THSD4: variants seen among roughly 807,000 people sequenced by gnomAD.
The protein encoded by THSD4 is thrombospondin type 1 domain containing 4.
In THSD4, 69 loss-of-function variants were observed where a neutral mutation model predicts 119.0. The observed-to-expected ratio is 0.58, with a 90% confidence interval of 0.48 to 0.71. The LOEUF (loss-of-function observed/expected upper bound fraction) is 0.71, where lower values mean the gene tolerates loss of function less well. Ranked by LOEUF, THSD4 falls within the 30% of genes least tolerant of loss-of-function variation. THSD4 has a pLI of 0.00. For synonymous variants in THSD4, 524 were observed against 540.4 expected, an observed-to-expected ratio of 0.97 and a Z score of 0.42; for missense variants, 1,393 against 1,391.1, an observed-to-expected ratio of 1.00 and a Z score of -0.02.
intron 7 of THSD4, among the ~76,000 whole-genome samples, chr15:71,587,787 T>TAAAAAAAAAA (rs1207231444): frequency 9.5e-6 from 1 of 105,566 alleles, no homozygotes; most frequent in Non-Finnish European, 1.9e-5. Flanking sequence ...AAAAAAAAAT[T>TAAAAAAAAAA]AAAAAAAAAA....
At chr15:71,149,690 G>A (rs901652634) in intron 2 of THSD4, among the ~76,000 whole-genome samples, 12 of 152,148 alleles carry the variant, frequency 7.9e-5, no homozygotes, top group African/African-American at 2.9e-4. Flanking sequence ...TATTAACTGA[G>A]GAAGAAAGGA....
At chr15:71,256,306 C>T (rs535840132) in intron 5 of THSD4, among the ~76,000 whole-genome samples, 24 of 151,936 alleles carry the variant, frequency 1.6e-4, no homozygotes, top group Non-Finnish European at 3.2e-4. Flanking sequence ...GAAAGCCCAT[C>T]GCTACAAAAA....
At chr15:71,386,258 A>G (rs902336576) in intron 6 of THSD4, among the ~76,000 whole-genome samples, 1 of 152,234 alleles carries the variant, frequency 6.6e-6, no homozygotes, top group African/African-American at 2.4e-5. Flanking sequence ...TTTGCCAGCC[A>G]AATAAAGAAG....
rs2048112888 is a variant in THSD4, at chr15:71,501,541, C to T, written c.1152+89718C>T. ...CATGAGCTGTTTACTGCCTACATGC[C>T]AGGGCTAGGTAATGCCAAGGTCATT... On this transcript the variant is annotated intron_variant, in intron 7 of 17. Coordinates refer to ENST00000261862, the MANE Select transcript of THSD4 (RefSeq NM_024817.3). Among the ~76,000 whole-genome samples, 2 of 152,130 alleles carry T rather than the reference C, an allele frequency of 1.3e-5. 1 individual carries two copies. The highest frequency in any genetic ancestry group is 4.1e-4 in the South Asian group (2 of 4,824).
chr15:71,565,144 C>T (rs1015008731), intron 7 of THSD4, among the ~76,000 whole-genome samples: 1 of 152,174 alleles, frequency 6.6e-6, no homozygotes, highest in African/African-American at 2.4e-5. Flanking sequence ...AGCTAACTCT[C>T]ATTAAGCTGA....
At chr15:71,403,705 G>GCTTT (rs1014054154) in intron 6 of THSD4, among the ~76,000 whole-genome samples, 2 of 152,182 alleles carry the variant, frequency 1.3e-5, no homozygotes, top group African/African-American at 4.8e-5. Context: ...GTTGCTTATT[G>GCTTT]CTTTCAATAA....
chr15:71,389,807 G>GTTTTTTTTTTTTTT lies in THSD4; in HGVS notation c.1016-21878_1016-21877insTTTTTTTTTTTTTT, dbSNP rs1237701264. 8.1e-3 allele frequency among the ~76,000 whole-genome samples: 372 copies of GTTTTTTTTTTTTTT among 46,024 alleles called. 3 individuals are homozygous for GTTTTTTTTTTTTTT. The highest frequency in any genetic ancestry group is 0.014 in the Non-Finnish European group (277 of 19,336). The allele number at this position is 46,024 out of a possible 152,430, so 30.2% of individuals were successfully genotyped here. A position where few individuals can be genotyped will look rare whatever the true frequency, so the allele number is the denominator to read the frequency against. ...CTTGCCAACACTTGCTATTTTCTGG[G>GTTTTTTTTTTTTTT]TTGTTTTTTTTTTTTTTTTTGACAC... is the stretch of plus-strand genomic sequence containing the variant. On this transcript the variant is annotated intron_variant, in intron 6 of 17. Coordinates refer to ENST00000261862, the MANE Select transcript of THSD4 (RefSeq NM_024817.3).
intron 10 of THSD4, among the ~76,000 whole-genome samples, chr15:71,735,924 C>A (rs1370734143): frequency 6.7e-6 from 1 of 149,288 alleles, no homozygotes; most frequent in Non-Finnish European, 1.5e-5. Context: ...CTGTCTCTCT[C>A]ACTTTCTGTC....
chr15:71,454,347 A>C (rs919192262), intron 7 of THSD4, among the ~76,000 whole-genome samples: 2 of 152,236 alleles, frequency 1.3e-5, no homozygotes, highest in African/African-American at 4.8e-5. Context: ...ATAAACCTTA[A>C]TACTTAAGTT....
intron 6 of THSD4, among the ~76,000 whole-genome samples, chr15:71,296,549 T>A (rs2044865827): frequency 6.6e-6 from 1 of 152,144 alleles, no homozygotes; most frequent in African/African-American, 2.4e-5. Context: ...GATCAGAGAA[T>A]CAGTACGCAG....
At chr15:71,180,893 T>G (rs1367730580) in intron 3 of THSD4, among the ~76,000 whole-genome samples, 1 of 151,952 alleles carries the variant, frequency 6.6e-6, no homozygotes, top group Admixed American at 6.6e-5. Context: ...ACATTTACAG[T>G]GAGCATACTT....
At chr15:71,453,941 A>G (rs763523712) in intron 7 of THSD4, among the ~76,000 whole-genome samples, 2 of 152,130 alleles carry the variant, frequency 1.3e-5, no homozygotes, top group Non-Finnish European at 2.9e-5. Flanking sequence ...TTGCATGGAA[A>G]ATAACTCAAA....
chr15:71,410,857 C>A (rs2046677326), intron 6 of THSD4, among the ~76,000 whole-genome samples: 1 of 151,580 alleles, frequency 6.6e-6, no homozygotes, highest in Non-Finnish European at 1.5e-5. Context: ...CATGGTGAAA[C>A]CCTGTCACTA....
intron 3 of THSD4, among the ~76,000 whole-genome samples, chr15:71,162,170 C>G (rs977533416): frequency 6.6e-6 from 1 of 151,910 alleles, no homozygotes; most frequent in Non-Finnish European, 1.5e-5. Flanking sequence ...TACATAACAC[C>G]ATTACAGCAC....
intron 5 of THSD4, among the ~76,000 whole-genome samples, chr15:71,247,277 C>T (rs2044212355): frequency 6.6e-6 from 1 of 152,160 alleles, no homozygotes; most frequent in Non-Finnish European, 1.5e-5. Flanking sequence ...GGCTGGAGTG[C>T]AGTGGCGCAG....
intron 12 of THSD4, 25 bp downstream of exon 12, chr15:71,745,260 C>T (rs773400674): frequency 5.6e-6 from 9 of 1,612,614 alleles, no homozygotes; most frequent in Non-Finnish European, 5.9e-6. Flanking sequence ...CCATTTAGGT[C>T]GCCTATTACC....
chr15:71,587,112 G>C (rs2049685970), intron 7 of THSD4, among the ~76,000 whole-genome samples: 1 of 149,014 alleles, frequency 6.7e-6, no homozygotes, highest in Non-Finnish European at 1.5e-5. Flanking sequence ...TCATTAAAAA[G>C]TCAGGAAACA....
chr15:71,487,109 G>GT (rs1268816619), intron 7 of THSD4, among the ~76,000 whole-genome samples: 1 of 152,198 alleles, frequency 6.6e-6, no homozygotes, highest in African/African-American at 2.4e-5. Flanking sequence ...TCACACCACT[G>GT]TAAGACATTC....
intron 8 of THSD4, among the ~76,000 whole-genome samples, chr15:71,717,802 A>G (rs565832523): frequency 8.6e-4 from 131 of 152,218 alleles, no homozygotes; most frequent in Non-Finnish European, 2.2e-4. Flanking sequence ...GGCAATATCT[A>G]TTGAGTGTCT....
Sources: allele counts gnomAD v4.1 joint callset (sites outside exome capture counted in the v4.1 genomes callset), GRCh38; gene constraint gnomAD v4.1.1; transcripts MANE v1.5; gene names NCBI Gene and HGNC (gene_info 2026-07-23, HGNC 2026-07-21).